FAM83B: variants seen among roughly 807,000 people sequenced by gnomAD.
FAM83B encodes the protein protein FAM83B.
Under a neutral mutation model 38.8 loss-of-function variants are expected in FAM83B, and 26 were observed. The ratio of observed to expected loss-of-function variants is 0.67; its 90% CI spans 0.49 to 0.93. FAM83B has a LOEUF of 0.93. Ranked by LOEUF, FAM83B falls within the 40% of genes least tolerant of loss-of-function variation. The pLI, the probability that FAM83B is intolerant of heterozygous loss-of-function variation, is 0.00. For missense variants in FAM83B, 1,237 were observed against 1,197.3 expected (o/e 1.03, Z -0.49); for synonymous variants, 419 against 423.1 (o/e 0.99, Z 0.12).
At chr6:54,924,793 C>T (rs1009370377) in intron 2 of FAM83B, among the ~76,000 whole-genome samples, 1 of 152,076 alleles carries the variant, frequency 6.6e-6, no homozygotes, top group Non-Finnish European at 1.5e-5. Context: ...ATCCCTGACA[C>T]TACCATCTTG....
chr6:54,927,409 A>G, intron 3 of FAM83B, 99 bp from the exon 4 acceptor site: 1 of 994,126 alleles, frequency 1.0e-6, no homozygotes, highest in Non-Finnish European at 1.4e-6. Context: ...CCTTAAGTAA[A>G]TTTTTTTATA....
At position 54,870,414 on chromosome 6, in the gene FAM83B, T is replaced by C. The variant is rs1363548994; in HGVS notation, c.168T>C (p.Leu56=). 13 of 1,614,044 alleles carry C rather than the reference T, an allele frequency of 8.1e-6. No homozygotes were observed. Among genetic ancestry groups the C allele is most frequent in the Admixed American group, 1.7e-5 (1 of 59,988 alleles). Residue 56 remains leucine, a synonymous_variant, in exon 2 of 5, where the codon CTT becomes CTC. Coordinates refer to ENST00000306858, the MANE Select transcript of FAM83B (RefSeq NM_001010872.3). ...TCCAGGAACGAGTTTCAGACTTTCT[T>C]GCTGAGGAAGAAATTAATTATATTT... ...FLVQERVSDF[L]AEEEINYILK...
chr6:54,924,418 T>A (rs1561926614), intron 2 of FAM83B, among the ~76,000 whole-genome samples: 1 of 151,192 alleles, frequency 6.6e-6, no homozygotes, highest in Non-Finnish European at 1.5e-5. Flanking sequence ...ACAAAAATAG[T>A]TTTCTGTATC....
intron 2 of FAM83B, among the ~76,000 whole-genome samples, chr6:54,873,690 GTT>G (rs34408059): frequency 5.8e-5 from 8 of 137,240 alleles, no homozygotes; most frequent in Admixed American, 7.4e-5. Context: ...AATGGATAAA[GTT>G]TTTTTTTTTT....
At chr6:54,906,016 C>G (rs1443935040) in intron 2 of FAM83B, among the ~76,000 whole-genome samples, 2 of 150,854 alleles carry the variant, frequency 1.3e-5, no homozygotes, top group African/African-American at 4.9e-5. Context: ...CTCCCTGACA[C>G]TATCCTTTTG....
chr6:54,892,013 C>T (rs914752587), intron 2 of FAM83B, among the ~76,000 whole-genome samples: 1 of 152,094 alleles, frequency 6.6e-6, no homozygotes, highest in Non-Finnish European at 1.5e-5. Flanking sequence ...CTCTCCATTG[C>T]TACCATCCAT....
intron 2 of FAM83B, among the ~76,000 whole-genome samples, chr6:54,877,497 A>G (rs1441726434): frequency 1.3e-5 from 2 of 152,190 alleles, no homozygotes; most frequent in African/African-American, 4.8e-5. Flanking sequence ...ATATTTTTAT[A>G]TCAATTATTG....
chr6:54,885,395 A>G (rs113442402), intron 2 of FAM83B, among the ~76,000 whole-genome samples: 4,465 of 152,092 alleles, frequency 0.029, 223 homozygotes, highest in African/African-American at 0.1. Context: ...TGTTGGAAAT[A>G]TTTTAATTTT....
chr6:54,904,128 C>T (rs531371751), intron 2 of FAM83B, among the ~76,000 whole-genome samples: 1 of 151,968 alleles, frequency 6.6e-6, no homozygotes, highest in South Asian at 2.1e-4. Flanking sequence ...GTTCATTGCT[C>T]AATTGTTAAG....
chr6:54,902,137 A>C (rs1338744551), intron 2 of FAM83B, among the ~76,000 whole-genome samples: 1 of 152,220 alleles, frequency 6.6e-6, no homozygotes, highest in Non-Finnish European at 1.5e-5. Context: ...TTTTAAAGAT[A>C]GCAGAGCAAT....
At chr6:54,918,746 A>G (rs1773102696) in intron 2 of FAM83B, among the ~76,000 whole-genome samples, 1 of 152,094 alleles carries the variant, frequency 6.6e-6, no homozygotes, top group African/African-American at 2.4e-5. Context: ...CCATATCAAC[A>G]TCCTTCTGAC....
chr6:54,856,468 C>T (rs1014607243), intron 1 of FAM83B, among the ~76,000 whole-genome samples: 11 of 152,124 alleles, frequency 7.2e-5, no homozygotes, highest in African/African-American at 2.7e-4. Context: ...GAATTGAGCA[C>T]AATTGTAGAG....
intron 2 of FAM83B, among the ~76,000 whole-genome samples, chr6:54,908,019 A>G (rs1298811683): frequency 6.6e-6 from 1 of 151,988 alleles, no homozygotes; most frequent in Non-Finnish European, 1.5e-5. Context: ...CTTCTTGGCC[A>G]TAATTTAGAG....
At chr6:54,877,332 TTGTC>T (rs1288351205) in intron 2 of FAM83B, among the ~76,000 whole-genome samples, 3 of 152,196 alleles carry the variant, frequency 2.0e-5, no homozygotes, top group Non-Finnish European at 4.4e-5. Context: ...ATTACTTTAC[TTGTC>T]TGTCCTCTCA....
intron 2 of FAM83B, among the ~76,000 whole-genome samples, chr6:54,873,864 T>G (rs991836413): frequency 6.6e-6 from 1 of 151,964 alleles, no homozygotes; most frequent in African/African-American, 2.4e-5. Context: ...TGTTTGCAGT[T>G]GAGATAAGGT....
intron 1 of FAM83B, among the ~76,000 whole-genome samples, chr6:54,857,589 G>T (rs1206696609): frequency 6.6e-6 from 1 of 152,084 alleles, no homozygotes; most frequent in Non-Finnish European, 1.5e-5. Context: ...GAATTTACTT[G>T]TAATGTAAGA....
chr6:54,868,095 G>A (rs1293864230), intron 1 of FAM83B, among the ~76,000 whole-genome samples: 3 of 151,834 alleles, frequency 2.0e-5, no homozygotes, highest in Non-Finnish European at 4.4e-5. Context: ...AATTTTTTTT[G>A]CTAACAATGA....
intron 2 of FAM83B, among the ~76,000 whole-genome samples, chr6:54,907,884 T>C (rs1772809216): frequency 6.6e-6 from 1 of 152,138 alleles, no homozygotes; most frequent in South Asian, 2.1e-4. Context: ...AGAACATATT[T>C]AGCTTGAATA....
chr6:54,878,822 T>C (rs1262595249), intron 2 of FAM83B, among the ~76,000 whole-genome samples: 1 of 146,670 alleles, frequency 6.8e-6, no homozygotes, highest in Non-Finnish European at 1.5e-5. Flanking sequence ...ATATTGAAAA[T>C]TGACTGTAGG....
Sources: gnomAD v4.1 joint callset for allele counts (sites outside exome capture counted in the v4.1 genomes callset) on GRCh38, gnomAD v4.1.1 for gene constraint, MANE v1.5 for transcripts, NCBI Gene and HGNC (gene_info 2026-07-23, HGNC 2026-07-21) for gene names.